Variants in RAD51B observed in about 807,000 individuals in gnomAD.
RAD51B encodes the protein DNA repair protein RAD51 homolog 2.
RAD51B carries 38 observed loss-of-function variants against 42.2 expected under a neutral mutation model. The observed-to-expected ratio is 0.90, with a 90% confidence interval of 0.70 to 1.18. RAD51B has a LOEUF of 1.18. Among genes scored for constraint, RAD51B ranks in the 50% most tolerant of loss-of-function variants. The probability of loss-of-function intolerance (pLI) is 0.00; values close to 1 mark genes in which losing one functional copy is unlikely to be tolerated. For missense variants in RAD51B, 373 were observed against 400.7 expected (o/e 0.93, Z 0.59); for synonymous variants, 154 against 145.2 (o/e 1.06, Z -0.43).
intron 7 of RAD51B, among the ~76,000 whole-genome samples, chr14:68,064,930 G>T (rs1323578901): frequency 7.9e-5 from 12 of 152,070 alleles, no homozygotes; most frequent in Non-Finnish European, 1.8e-4. Context: ...CTGAGTTTAA[G>T]ATTTTTGCTT....
chr14:68,080,230 ATT>A (rs1203057134), intron 7 of RAD51B, among the ~76,000 whole-genome samples: 1 of 152,218 alleles, frequency 6.6e-6, no homozygotes, highest in African/African-American at 2.4e-5. Context: ...TTGATGGGGA[ATT>A]TAAGGATGAA....
intron 9 of RAD51B, among the ~76,000 whole-genome samples, chr14:68,447,698 T>A (rs985538399): frequency 1.3e-5 from 2 of 152,184 alleles, no homozygotes; most frequent in African/African-American, 4.8e-5. Context: ...TACGAAATCA[T>A]TTTTGGGTTT....
chr14:68,637,907 C>T (rs1018943105), intron 10 of RAD51B, among the ~76,000 whole-genome samples: 1 of 152,384 alleles, frequency 6.6e-6, no homozygotes, highest in Admixed American at 6.5e-5. Flanking sequence ...CTGCAAACCT[C>T]ACCTTCTGCC....
At chr14:68,139,148 A>G (rs569262678) in intron 7 of RAD51B, among the ~76,000 whole-genome samples, 17 of 152,300 alleles carry the variant, frequency 1.1e-4, no homozygotes, top group African/African-American at 3.9e-4. Flanking sequence ...CTCTAGAACT[A>G]TAACATACTA....
rs202000199 is a variant in RAD51B, at chr14:68,163,550, CTA to C, written c.757-128332_757-128331del. Among the ~76,000 whole-genome samples, 847 of 152,214 alleles carry C rather than the reference CTA, an allele frequency of 5.6e-3. 2 individuals carry two copies. Among genetic ancestry groups the C allele is most frequent in the African/African-American group, 0.019 (774 of 41,548 alleles). Reference sequence around the variant, plus strand: ...ATCTCAGGAATACTCATTGCTTTTTCTATTTCTTCTATTTTTCTTTGGCCTCT... The same window carrying C: ...ATCTCAGGAATACTCATTGCTTTTTCTTTCTTCTATTTTTCTTTGGCCTCT... On this transcript the variant is annotated intron_variant, in intron 7 of 10. Transcript: ENST00000471583.
chr14:68,633,791 C>T (rs547275178), intron 10 of RAD51B, among the ~76,000 whole-genome samples: 1 of 152,224 alleles, frequency 6.6e-6, no homozygotes, highest in African/African-American at 2.4e-5. Context: ...AAGATGTGAC[C>T]GTCCTGGAGG....
chr14:67,843,993 T>G (rs534973861), intron 4 of RAD51B, among the ~76,000 whole-genome samples: 3 of 152,258 alleles, frequency 2.0e-5, no homozygotes, highest in African/African-American at 7.2e-5. Flanking sequence ...TTTAACAGTA[T>G]AAACTTTCCT....
intron 10 of RAD51B, among the ~76,000 whole-genome samples, chr14:68,550,075 C>A (rs1386475501): frequency 6.6e-6 from 1 of 152,180 alleles, no homozygotes; most frequent in African/African-American, 2.4e-5. Context: ...ACTTTCTCAC[C>A]CCTCTGCAGG....
intron 7 of RAD51B, among the ~76,000 whole-genome samples, chr14:67,909,977 C>A (rs2043914120): frequency 6.6e-6 from 1 of 152,174 alleles, no homozygotes; most frequent in Non-Finnish European, 1.5e-5. Context: ...TTTATAAATA[C>A]CTCAGTTGCA....
chr14:68,114,445 T>C (rs2077508161), intron 7 of RAD51B, among the ~76,000 whole-genome samples: 1 of 152,124 alleles, frequency 6.6e-6, no homozygotes, highest in Non-Finnish European at 1.5e-5. Context: ...TGTCTTTCAA[T>C]TGAAGTTTTT....
At chr14:68,241,599 T>C (rs966633596) in intron 7 of RAD51B, among the ~76,000 whole-genome samples, 4 of 152,184 alleles carry the variant, frequency 2.6e-5, no homozygotes, top group African/African-American at 9.6e-5. Flanking sequence ...AATATTTCGC[T>C]TCATCATTTT....
chr14:68,402,713 G>A (rs1445228395), intron 8 of RAD51B, among the ~76,000 whole-genome samples: 1 of 152,218 alleles, frequency 6.6e-6, no homozygotes, highest in Non-Finnish European at 1.5e-5. Context: ...GACAGCGCAT[G>A]GAGTGGTGCA....
rs1241398941 is a variant in RAD51B at position 67,886,668 on chromosome 14, C to T, written c.573-353C>T. The T allele has an allele frequency of 2.1e-5, 5 of 240,338 alleles. No individual in the cohort carries two copies. The East Asian group carries it at 3.0e-4, about 15-fold the overall frequency. 14.9% of individuals were successfully genotyped at this position (240,338 alleles called of 1,614,324 possible). A position where few individuals can be genotyped will look rare whatever the true frequency, so the allele number is the denominator to read the frequency against. On this transcript the variant is annotated intron_variant, in intron 6 of 10. Transcript: ENST00000471583. The stretch of plus-strand genomic sequence containing the variant: ...GTCATATGCTTGTGGTCATACAGAT[C>T]AAGTCTGGCACACTGTGGGAGGGAC...
At chr14:68,439,610 T>C (rs1430891213) in intron 9 of RAD51B, among the ~76,000 whole-genome samples, 1 of 152,206 alleles carries the variant, frequency 6.6e-6, no homozygotes, top group African/African-American at 2.4e-5. Flanking sequence ...TCTACCATGG[T>C]TCTCCATCCC....
At chr14:68,638,476 CAGTT>C (rs990782648) in intron 10 of RAD51B, among the ~76,000 whole-genome samples, 5 of 152,134 alleles carry the variant, frequency 3.3e-5, no homozygotes, top group African/African-American at 7.2e-5. Context: ...AAAGGTCACA[CAGTT>C]AGCCCTCTGA....
At chr14:68,392,356 C>G (rs1490226799) in intron 8 of RAD51B, among the ~76,000 whole-genome samples, 1 of 152,180 alleles carries the variant, frequency 6.6e-6, no homozygotes, top group Admixed American at 6.5e-5. Context: ...AGGGGGTGCC[C>G]TGGTGAGGAC....
chr14:68,009,699 A>G lies in RAD51B; in HGVS notation c.756+122495A>G, dbSNP rs1480665099. On this transcript the variant is annotated intron_variant, in intron 7 of 10. Coordinates refer to ENST00000471583, the MANE Select transcript of RAD51B (RefSeq NM_133510.4). ...CACCTCACTAGAGAGAACTTGCTAG[A>G]CGACCTCTTCTATAAAATAGCACCC... Among the ~76,000 whole-genome samples, 3 of 151,864 alleles carry G rather than the reference A, an allele frequency of 2.0e-5. No homozygotes were observed. The East Asian group carries it at 5.8e-4, about 29-fold the overall frequency.
intron 7 of RAD51B, among the ~76,000 whole-genome samples, chr14:68,257,495 A>G (rs1034900388): frequency 2.0e-5 from 3 of 152,156 alleles, no homozygotes; most frequent in South Asian, 4.1e-4. Context: ...CATGTGTAGT[A>G]TACTATTTAT....
chr14:68,331,935 TAAC>T (rs33930899), intron 8 of RAD51B, among the ~76,000 whole-genome samples: 22,133 of 152,036 alleles, frequency 0.15, 2,384 homozygotes, highest in African/African-American at 0.31. Context: ...AAAGGAATCT[TAAC>T]AATACCCCAT....
Sources: allele counts gnomAD v4.1 joint callset (sites outside exome capture counted in the v4.1 genomes callset), GRCh38; gene constraint gnomAD v4.1.1; transcripts MANE v1.5; gene names NCBI Gene and HGNC (gene_info 2026-07-23, HGNC 2026-07-21).